TBC1D8: variants seen among roughly 807,000 people sequenced by gnomAD.
The protein encoded by TBC1D8 is BUB2-like protein 1.
Under a neutral mutation model 118.8 loss-of-function variants are expected in TBC1D8, and 65 were observed. That is an observed-to-expected ratio of 0.55 (90% CI 0.45 to 0.67). The LOEUF (loss-of-function observed/expected upper bound fraction) is 0.67, where lower values mean the gene tolerates loss of function less well. TBC1D8 is among the 30% of genes least tolerant of loss of function. The pLI is 0.00. For synonymous variants in TBC1D8, 566 were observed against 595.8 expected (o/e 0.95, Z 0.73); for missense variants, 1,376 against 1,471.2 (o/e 0.94, Z 1.06).
intron 5 of TBC1D8, among the ~76,000 whole-genome samples, chr2:101,045,397 C>A (rs1446961015): frequency 6.6e-6 from 1 of 152,216 alleles, no homozygotes; most frequent in Non-Finnish European, 1.5e-5. Flanking sequence ...CCTGTCTGAG[C>A]TACATGCCAA....
intron 5 of TBC1D8, among the ~76,000 whole-genome samples, chr2:101,047,939 C>A (rs1265547150): frequency 6.6e-6 from 1 of 152,212 alleles, no homozygotes; most frequent in African/African-American, 2.4e-5. Flanking sequence ...CTCCCTTCCA[C>A]CCAAAACCAA....
At chr2:101,035,956 C>T (rs1352758386) in intron 9 of TBC1D8, 62 bp downstream of exon 9, 38 of 1,589,098 alleles carry the variant, frequency 2.4e-5, no homozygotes, top group Non-Finnish European at 3.0e-5. Context: ...TGCTCGGGTC[C>T]GGGCTGTTCC....
In TBC1D8 at chr2:101,040,183, T is replaced by C. The variant is rs1167601040; in HGVS notation, c.1075A>G (p.Arg359Gly). 3.7e-6 allele frequency: 6 copies of C among 1,613,766 alleles called. No individual in the cohort carries two copies. Among genetic ancestry groups the C allele is most frequent in the African/African-American group, 1.3e-5 (1 of 74,932 alleles). ...AGACAGTAGGGCCAGTCTACCTCTCTGAGTGGCAGGATGATCTTACAGCAG... is the reference window on the plus strand; with the variant it reads ...AGACAGTAGGGCCAGTCTACCTCTCCGAGTGGCAGGATGATCTTACAGCAG... ...DGCCKIILPL[R>G]EVVSIEKMED... The change falls in exon 6 of 20, where the codon AGA (arginine) becomes GGA (glycine). Residue 359 changes from arginine to glycine, a missense_variant. Transcript: ENST00000409318.
intron 5 of TBC1D8, among the ~76,000 whole-genome samples, chr2:101,043,769 G>A (rs1289435693): frequency 2.0e-5 from 3 of 151,938 alleles, no homozygotes; most frequent in African/African-American, 7.3e-5. Context: ...GTGAAACCCC[G>A]CCTCTACTAA....
intron 1 of TBC1D8, among the ~76,000 whole-genome samples, chr2:101,129,266 G>A (rs756099167): frequency 3.0e-4 from 46 of 151,976 alleles, no homozygotes; most frequent in Non-Finnish European, 5.0e-4. Flanking sequence ...TCAGCCTCCC[G>A]AGTAGCTGGG....
At chr2:101,083,052 T>C (rs961995211) in intron 2 of TBC1D8, among the ~76,000 whole-genome samples, 2 of 152,348 alleles carry the variant, frequency 1.3e-5, no homozygotes, top group South Asian at 2.1e-4. Context: ...TTGCCTGGAA[T>C]ATCCCTGGCC....
At chr2:101,051,425 G>T (rs967614123) in intron 4 of TBC1D8, among the ~76,000 whole-genome samples, 1 of 152,114 alleles carries the variant, frequency 6.6e-6, no homozygotes, top group East Asian at 1.9e-4. Context: ...ATGCCAAAAA[G>T]CAATTGCAAC....
At position 101,008,167 on chromosome 2, in the gene TBC1D8, T is replaced by C. The variant is rs750260189; in HGVS notation, c.3122A>G (p.Gln1041Arg). The C allele has an allele frequency of 6.8e-6, 11 of 1,613,702 alleles. No individual in the cohort carries two copies. The Admixed American group carries it at 1.7e-4, about 24-fold the overall frequency. Residue 1041 changes from glutamine (Q) to arginine (R), a missense_variant, in exon 20 of 20, where the codon CAG becomes CGG. By Grantham distance (43) the Gln-to-Arg change is conservative. Coordinates refer to ENST00000409318, the MANE Select transcript of TBC1D8 (RefSeq NM_001330348.2). Reference protein sequence around the residue: ...AIATVTTLLLQIGEVGQRGSS... With the variant: ...AIATVTTLLLRIGEVGQRGSS... ...GCCTCGCTGCCCCACCTCCCCGATC[T>C]GCAGCAGCAGTGTGGTGACTGTGGC...
chr2:101,119,899 C>CTTAG (rs1236089224), intron 1 of TBC1D8, among the ~76,000 whole-genome samples: 1 of 152,196 alleles, frequency 6.6e-6, no homozygotes, highest in Non-Finnish European at 1.5e-5. Context: ...ATATTCCAGC[C>CTTAG]TTAGCTCTCT....
intron 2 of TBC1D8, chr2:101,068,479 T>C: frequency 2.6e-6 from 1 of 379,852 alleles, no homozygotes; most frequent in Non-Finnish European, 4.8e-6. Context: ...TCCAGGAAGT[T>C]CTTCCAAAAC....
intron 2 of TBC1D8, among the ~76,000 whole-genome samples, chr2:101,062,312 A>G (rs1305612583): frequency 6.6e-6 from 1 of 152,198 alleles, no homozygotes; most frequent in Non-Finnish European, 1.5e-5. Flanking sequence ...AAAGAAAAAA[A>G]AAAAACAAGT....
At position 101,007,883 on chromosome 2, in the gene TBC1D8, T is replaced by G. The variant is rs776084703; in HGVS notation, c.3406A>C (p.Asn1136His). ...TGGCTCATTTCAAAAGTTTTGAGAT[T>G]GTACTGATTGATCTTGGCATTTTCA... The part of the protein sequence containing the change: ...KLENAKINQY[N>H]LKTFEMSHQS... The change falls in exon 20 of 20, where the codon AAT (asparagine) becomes CAT (histidine). Residue 1136 changes from asparagine (N) to histidine (H), a missense_variant. Coordinates refer to ENST00000409318, the MANE Select transcript of TBC1D8 (RefSeq NM_001330348.2). The G allele has an allele frequency of 9.3e-6, 15 of 1,613,918 alleles. No homozygotes were observed. The Admixed American group carries it at 2.3e-4, about 25-fold the overall frequency.
At chr2:101,103,976 G>A (rs1677039203) in intron 1 of TBC1D8, among the ~76,000 whole-genome samples, 1 of 152,072 alleles carries the variant, frequency 6.6e-6, no homozygotes, top group African/African-American at 2.4e-5. Flanking sequence ...AAATCTCCAG[G>A]AATTAATAAG....
At chr2:101,081,574 G>A (rs901401124) in intron 2 of TBC1D8, among the ~76,000 whole-genome samples, 8 of 152,044 alleles carry the variant, frequency 5.3e-5, no homozygotes, top group African/African-American at 1.9e-4. Flanking sequence ...GGGCCCCCTG[G>A]GACCCTCCCC....
At chr2:101,054,672 C>CTTTTTTTTT (rs34465252) in intron 3 of TBC1D8, among the ~76,000 whole-genome samples, 15 of 25,422 alleles carry the variant, frequency 5.9e-4, no homozygotes, top group East Asian at 4.6e-3. Flanking sequence ...CTTTTCTTTT[C>CTTTTTTTTT]TTTTTTTTTT....
Position 101,040,250 on chromosome 2 carries a change from G to A in TBC1D8, c.1008C>T (p.Phe336=), listed in dbSNP as rs369712566. Residue 336 remains phenylalanine (F), a synonymous_variant, in exon 6 of 20, where the codon TTC becomes TTT. Transcript: ENST00000409318. The stretch of plus-strand genomic sequence containing the variant: ...CAAAGCAGATGTAGCTGTCAGAGGC[G>A]AACATCCGCCCCGTGGTGTGACAGC... ...FSRCHTTGRM[F]ASDSYICFAS... is the part of the protein sequence containing the mutation. 7.6e-5 allele frequency: 123 copies of A among 1,613,876 alleles called. 1 individual carries two copies. Among genetic ancestry groups the A allele is most frequent in the Non-Finnish European group, 2.3e-5 (27 of 1,179,918 alleles).
chr2:101,143,721 G>A (rs942980249), intron 1 of TBC1D8, among the ~76,000 whole-genome samples: 2 of 152,078 alleles, frequency 1.3e-5, no homozygotes, highest in African/African-American at 2.4e-5. Context: ...CACCATGCTC[G>A]GCTAATTTTC....
intron 1 of TBC1D8, among the ~76,000 whole-genome samples, chr2:101,110,942 T>C (rs1677546930): frequency 7.2e-6 from 1 of 139,324 alleles, no homozygotes; most frequent in African/African-American, 2.7e-5. Context: ...ATTGCGCCAC[T>C]GCACTCCAGC....
At chr2:101,037,126 CA>C (rs200256121) in intron 8 of TBC1D8, among the ~76,000 whole-genome samples, 1 of 152,112 alleles carries the variant, frequency 6.6e-6, no homozygotes, top group East Asian at 1.9e-4. Context: ...GTAAATATAG[CA>C]AAAATATTTC....
Sources: gnomAD v4.1 joint callset for allele counts (sites outside exome capture counted in the v4.1 genomes callset) on GRCh38, gnomAD v4.1.1 for gene constraint, MANE v1.5 for transcripts, NCBI Gene and HGNC (gene_info 2026-07-23, HGNC 2026-07-21) for gene names.